The following LPGAT1 variants were observed in gnomAD, a reference collection of about 807,000 sequenced individuals.
The protein encoded by LPGAT1 is lysophosphatidylglycerol acyltransferase 1, also known as acyl-CoA:lysophosphatidylglycerol acyltransferase 1.
Under a neutral mutation model 47.5 loss-of-function variants are expected in LPGAT1, and 11 were observed. The ratio of observed to expected loss-of-function variants is 0.23; its 90% CI spans 0.15 to 0.38. The LOEUF (loss-of-function observed/expected upper bound fraction) is 0.38, where lower values mean the gene tolerates loss of function less well. Ranked by LOEUF, LPGAT1 falls within the 10% of genes least tolerant of loss-of-function variation. LPGAT1 has a pLI of 1.00. For synonymous variants in LPGAT1, 138 were observed against 144.2 expected (o/e 0.96, Z 0.31); for missense variants, 293 against 439.0 (o/e 0.67, Z 2.97).
At chr1:211,792,862 C>G (rs1259082363) in intron 3 of LPGAT1, among the ~76,000 whole-genome samples, 1 of 151,880 alleles carries the variant, frequency 6.6e-6, no homozygotes, top group Non-Finnish European at 1.5e-5. Context: ...CAGGTGCACA[C>G]CACCACGCCC....
At chr1:211,799,105 A>AT (rs796372089) in intron 2 of LPGAT1, among the ~76,000 whole-genome samples, 135 of 151,452 alleles carry the variant, frequency 8.9e-4, no homozygotes, top group African/African-American at 3.1e-3. Context: ...GTTTAATTTT[A>AT]TTTTTTTTTA....
At chr1:211,762,847 T>A (rs1657755291) in intron 6 of LPGAT1, among the ~76,000 whole-genome samples, 1 of 152,220 alleles carries the variant, frequency 6.6e-6, no homozygotes, top group African/African-American at 2.4e-5. Flanking sequence ...TTGGAGCATT[T>A]GAATTTTTAC....
intron 2 of LPGAT1, among the ~76,000 whole-genome samples, chr1:211,804,166 G>A (rs1284317502): frequency 2.0e-5 from 3 of 152,104 alleles, no homozygotes; most frequent in South Asian, 2.1e-4. Flanking sequence ...TCAACCTCCC[G>A]AGCTCAAATG....
intron 7 of LPGAT1, 72 bp from the exon 8 acceptor site, chr1:211,750,122 T>C (rs1657113712): frequency 7.6e-7 from 1 of 1,312,422 alleles, no homozygotes. Context: ...AGTTGAATAT[T>C]AGCTTAACTA....
intron 2 of LPGAT1, among the ~76,000 whole-genome samples, chr1:211,798,968 G>A (rs1273810217): frequency 6.6e-6 from 1 of 152,180 alleles, no homozygotes; most frequent in East Asian, 1.9e-4. Context: ...ATCATACATA[G>A]AGATGCTGAT....
chr1:211,830,064 G>A lies in LPGAT1; in HGVS notation c.-28+509C>T, dbSNP rs1329475904. On this transcript the variant is annotated intron_variant, in intron 1 of 7. Transcript: ENST00000366997. This position sits in a 1 kb window ranked among gnomAD's most constrained non-coding sequence, Gnocchi z 5.9. ...TCCGACCAGAGGGCAAGGAAGCAGG[G>A]GATGATGAAAGGGGCAGAGAAGAGG... 8.1e-6 allele frequency: 8 copies of A among 985,090 alleles called. No individual in the cohort carries two copies. The highest frequency in any genetic ancestry group is 1.1e-4 in the East Asian group (1 of 8,818). The allele number at this position is 985,090 out of a possible 1,614,324, so 61.0% of individuals were successfully genotyped here.
At chr1:211,792,475 A>G (rs1659162995) in intron 3 of LPGAT1, 1 of 151,356 alleles carries the variant, frequency 6.6e-6, no homozygotes, top group African/African-American at 2.4e-5. Flanking sequence ...ACAGCCCTCA[A>G]TTTGAACTAT....
chr1:211,757,391 ATTAC>A (rs1160470704), intron 6 of LPGAT1, among the ~76,000 whole-genome samples: 1 of 152,216 alleles, frequency 6.6e-6, no homozygotes, highest in Non-Finnish European at 1.5e-5. Context: ...GGCTAATCAT[ATTAC>A]TTACCTTACA....
intron 2 of LPGAT1, among the ~76,000 whole-genome samples, chr1:211,812,250 A>C (rs1660015977): frequency 6.6e-6 from 1 of 152,256 alleles, no homozygotes; most frequent in Non-Finnish European, 1.5e-5. Flanking sequence ...GTCTTATCAA[A>C]GGATAAAAAG....
intron 2 of LPGAT1, among the ~76,000 whole-genome samples, chr1:211,803,618 TAA>T (rs1243622069): frequency 1.3e-5 from 2 of 152,164 alleles, no homozygotes; most frequent in Non-Finnish European, 2.9e-5. Flanking sequence ...TGCAGGAAAG[TAA>T]AAGTGAACAG....
intron 2 of LPGAT1, among the ~76,000 whole-genome samples, chr1:211,813,435 A>G (rs1660065873): frequency 6.6e-6 from 1 of 152,212 alleles, no homozygotes; most frequent in African/African-American, 2.4e-5. Flanking sequence ...AATTATGACT[A>G]CGAAGCAGGG....
chr1:211,774,434 G>T (rs1483361538), intron 6 of LPGAT1, among the ~76,000 whole-genome samples: 1 of 151,998 alleles, frequency 6.6e-6, no homozygotes, highest in Non-Finnish European at 1.5e-5. Context: ...TCTTTTACCT[G>T]TACATCATTT....
chr1:211,804,857 G>A (rs1159334098), intron 2 of LPGAT1, among the ~76,000 whole-genome samples: 1 of 152,010 alleles, frequency 6.6e-6, no homozygotes, highest in African/African-American at 2.4e-5. Flanking sequence ...ACCCACAAAC[G>A]TTAAGTCACA....
At chr1:211,795,926 C>T (rs1299227678) in intron 2 of LPGAT1, among the ~76,000 whole-genome samples, 1 of 152,102 alleles carries the variant, frequency 6.6e-6, no homozygotes, top group Non-Finnish European at 1.5e-5. Flanking sequence ...CAAGAAAAGT[C>T]TAGCTTGGTT....
In LPGAT1 at chr1:211,829,240, C is replaced by A; in HGVS notation, c.57G>T (p.Leu19=). Residue 19 remains leucine, a synonymous_variant, in exon 2 of 8, where the codon CTG becomes CTT. Transcript: ENST00000366997. ...TGACGACCATGAAGGCAAACCTCAT[C>A]AGTGCTTTCACCAAGAGCCAGCCCA... ...PWLGWLLVKA[L]MRFAFMVVNN... is the part of the protein sequence containing the mutation. 1.9e-6 allele frequency: 3 copies of A among 1,614,222 alleles called. No homozygotes were observed. The highest frequency in any genetic ancestry group is 1.7e-6 in the Non-Finnish European group (2 of 1,180,046).
chr1:211,805,461 C>G (rs1479185474), intron 2 of LPGAT1, among the ~76,000 whole-genome samples: 1 of 152,076 alleles, frequency 6.6e-6, no homozygotes, highest in Non-Finnish European at 1.5e-5. Flanking sequence ...TCACTCTCAT[C>G]CCATCATAAA....
intron 2 of LPGAT1, among the ~76,000 whole-genome samples, chr1:211,820,539 C>CAAA (rs11371645): frequency 6.4e-5 from 8 of 124,520 alleles, no homozygotes; most frequent in Non-Finnish European, 1.3e-4. Flanking sequence ...TAGAACTAAA[C>CAAA]AAAAAAAAAA....
At chr1:211,828,529 T>C (rs1026663548) in intron 2 of LPGAT1, among the ~76,000 whole-genome samples, 2 of 152,200 alleles carry the variant, frequency 1.3e-5, no homozygotes, top group African/African-American at 2.4e-5. Context: ...CTCAGATTTA[T>C]GAGATAAAAT....
At position 211,745,082 on chromosome 1, in the gene LPGAT1, A is replaced by G. The variant is rs1324737725; in HGVS notation, c.*4817T>C. 1 of 152,668 alleles carries G rather than the reference A, an allele frequency of 6.6e-6. No individual in the cohort carries two copies. The highest frequency in any genetic ancestry group is 1.5e-5 in the Non-Finnish European group (1 of 68,044). The allele number at this position is 152,668 out of a possible 1,614,324, so 9.5% of individuals were successfully genotyped here. A position where few individuals can be genotyped will look rare whatever the true frequency, so the allele number is the denominator to read the frequency against. On this transcript the variant is annotated 3_prime_UTR_variant, in exon 8 of 8. Transcript: ENST00000366997. Reference sequence around the variant, plus strand: ...TGCTTCTTTTGGTGTTCACATCTAAATTTCTGAAAAGGTGATCTGGTTACC... The same window carrying G: ...TGCTTCTTTTGGTGTTCACATCTAAGTTTCTGAAAAGGTGATCTGGTTACC...
Sources: gnomAD v4.1 joint callset for allele counts (sites outside exome capture counted in the v4.1 genomes callset) on GRCh38, gnomAD v4.1.1 for gene constraint, Gnocchi (gnomAD v3.1) non-coding constraint, MANE v1.5 for transcripts, NCBI Gene and HGNC (gene_info 2026-07-23, HGNC 2026-07-21) for gene names.